RBFOX1: variants seen among roughly 807,000 people sequenced by gnomAD.
RBFOX1 encodes RNA binding fox-1 homolog 1.
A neutral mutation model predicts 57.7 loss-of-function variants in RBFOX1; 8 were observed. That is an observed-to-expected ratio of 0.14 (90% CI 0.08 to 0.25). RBFOX1 has a LOEUF of 0.25. RBFOX1 is among the 10% of genes least tolerant of loss of function. The probability of loss-of-function intolerance (pLI) is 1.00; values close to 1 mark genes in which losing one functional copy is unlikely to be tolerated. For missense variants in RBFOX1, 611 were observed against 548.5 expected (o/e 1.11, Z -1.14); for synonymous variants, 326 against 222.4 (o/e 1.47, Z -4.15).
chr16:5,784,664 G>A (rs1451567740), intron 3 of RBFOX1, among the ~76,000 whole-genome samples: 2 of 152,138 alleles, frequency 1.3e-5, no homozygotes, highest in Non-Finnish European at 2.9e-5. Flanking sequence ...TGAGATTTGG[G>A]TGACGACACA....
chr16:7,608,778 TG>T (rs1398098544), intron 10 of RBFOX1, among the ~76,000 whole-genome samples: 1 of 152,198 alleles, frequency 6.6e-6, no homozygotes, highest in Non-Finnish European at 1.5e-5. Flanking sequence ...ATATGAAGAG[TG>T]GTGTGTAGCC....
At chr16:7,231,844 G>T (rs556097755) in intron 4 of RBFOX1, among the ~76,000 whole-genome samples, 42 of 152,226 alleles carry the variant, frequency 2.8e-4, no homozygotes, top group African/African-American at 1.0e-3. Context: ...GAAATATCTG[G>T]AGTAGGTAAA....
chr16:6,259,922 C>G (rs898563472), intron 1 of RBFOX1, among the ~76,000 whole-genome samples: 7 of 147,028 alleles, frequency 4.8e-5, no homozygotes, highest in Admixed American at 1.4e-4. Flanking sequence ...GATCGTGCCA[C>G]TGAACTCTAG....
chr16:6,350,542 T>C, intron 2 of RBFOX1, among the ~76,000 whole-genome samples: 1 of 148,754 alleles, frequency 6.7e-6, no homozygotes. Context: ...AAGTACTTCA[T>C]TTAACTAGTT....
At chr16:6,499,030 A>T (rs903788318) in intron 2 of RBFOX1, among the ~76,000 whole-genome samples, 7 of 152,202 alleles carry the variant, frequency 4.6e-5, no homozygotes, top group African/African-American at 1.7e-4. Flanking sequence ...TGATTGTGTG[A>T]CAGGTTAGTA....
chr16:6,815,584 G>T (rs142479600), intron 3 of RBFOX1, among the ~76,000 whole-genome samples: 3 of 152,054 alleles, frequency 2.0e-5, no homozygotes, highest in African/African-American at 7.2e-5. Context: ...TAATCCTCCC[G>T]TCATTAATCT....
At position 6,531,980 on chromosome 16, in the gene RBFOX1, G is replaced by A. The variant is rs553920504; in HGVS notation, c.-63-122623G>A. ...ATTTAGAGGTAGTTGAAAAAGCAGT[G>A]TTGGTAGCATGACAGGCACCAAGCC... On this transcript the variant is annotated intron_variant, in intron 2 of 15. Transcript: ENST00000550418. Among the ~76,000 whole-genome samples the A allele has an allele frequency of 2.0e-5, 3 of 152,296 alleles. No homozygotes were observed. In the East Asian group the frequency reaches 5.8e-4, roughly 29 times the overall value.
intron 1 of RBFOX1, among the ~76,000 whole-genome samples, chr16:5,361,552 AG>A: frequency 6.6e-6 from 1 of 152,346 alleles, no homozygotes; most frequent in Non-Finnish European, 1.5e-5. Flanking sequence ...TAAAATTGTG[AG>A]GCCGCTTGTT....
chr16:6,428,873 A>G (rs2094001288), intron 2 of RBFOX1, among the ~76,000 whole-genome samples: 1 of 152,228 alleles, frequency 6.6e-6, no homozygotes, highest in African/African-American at 2.4e-5. Flanking sequence ...TGTTTGTTTT[A>G]CTAGAGATTT....
chr16:7,619,867 A>G (rs1208209780), intron 10 of RBFOX1, among the ~76,000 whole-genome samples: 1 of 152,172 alleles, frequency 6.6e-6, no homozygotes, highest in African/African-American at 2.4e-5. Context: ...CTGTGTCTCA[A>G]TTATAGCAAG....
At chr16:5,367,817 C>G (rs962388651) in intron 1 of RBFOX1, among the ~76,000 whole-genome samples, 8 of 152,170 alleles carry the variant, frequency 5.3e-5, no homozygotes, top group Admixed American at 5.2e-4. Flanking sequence ...ACAGTAGACT[C>G]TTAAACCTGG....
chr16:7,438,797 C>G (rs908292002), intron 4 of RBFOX1, among the ~76,000 whole-genome samples: 1 of 152,166 alleles, frequency 6.6e-6, no homozygotes, highest in South Asian at 2.1e-4. Context: ...ATAGCGTAGC[C>G]TTGATGGGCC....
chr16:6,519,822 T>G (rs2096464157), intron 2 of RBFOX1, among the ~76,000 whole-genome samples: 2 of 152,192 alleles, frequency 1.3e-5, no homozygotes, highest in African/African-American at 4.8e-5. Context: ...GTCTTCATTA[T>G]CTCCATTTCA....
intron 2 of RBFOX1, among the ~76,000 whole-genome samples, chr16:5,527,131 T>C (rs1417152102): frequency 6.6e-6 from 1 of 152,176 alleles, no homozygotes; most frequent in African/African-American, 2.4e-5. Flanking sequence ...TTGGAAAGGC[T>C]GGTGGAAAAT....
At chr16:6,803,666 C>A (rs1797417654) in intron 3 of RBFOX1, among the ~76,000 whole-genome samples, 1 of 152,190 alleles carries the variant, frequency 6.6e-6, no homozygotes, top group Admixed American at 6.5e-5. Context: ...AATAATTTCT[C>A]CCTGAACAAA....
chr16:6,411,405 T>C (rs555932726), intron 2 of RBFOX1, among the ~76,000 whole-genome samples: 41 of 152,362 alleles, frequency 2.7e-4, no homozygotes, highest in African/African-American at 9.6e-4. Flanking sequence ...GTATTCCCGA[T>C]GAACACATGC....
chr16:6,374,233 G>C (rs570845448), intron 2 of RBFOX1, among the ~76,000 whole-genome samples: 1 of 152,260 alleles, frequency 6.6e-6, no homozygotes, highest in African/African-American at 2.4e-5. Context: ...GCATTGTTTA[G>C]CCTTGTAATT....
chr16:7,575,060 T>TGGGG (rs2093194339), intron 5 of RBFOX1, among the ~76,000 whole-genome samples: 1 of 145,128 alleles, frequency 6.9e-6, no homozygotes, highest in Non-Finnish European at 1.5e-5. Flanking sequence ...TGGGGGGGGC[T>TGGGG]GTGGGGGAGG....
chr16:6,141,539 C>T (rs1032330326), intron 1 of RBFOX1, among the ~76,000 whole-genome samples: 2 of 152,146 alleles, frequency 1.3e-5, no homozygotes, highest in Non-Finnish European at 2.9e-5. Context: ...TTCCATTCAA[C>T]ACTTCCTACA....
Sources: allele counts gnomAD v4.1 joint callset (sites outside exome capture counted in the v4.1 genomes callset), GRCh38; gene constraint gnomAD v4.1.1; transcripts MANE v1.5; gene names NCBI Gene and HGNC (gene_info 2026-07-23, HGNC 2026-07-21).